LNPEP: variants seen among roughly 807,000 people sequenced by gnomAD.
The protein encoded by LNPEP is leucyl-cystinyl aminopeptidase.
In LNPEP, 64 loss-of-function variants were observed where a neutral mutation model predicts 120.6. The observed-to-expected ratio is 0.53, with a 90% confidence interval of 0.43 to 0.65. The LOEUF is 0.65. LNPEP is among the 30% of genes least tolerant of loss of function. The probability of loss-of-function intolerance (pLI) is 0.00; values close to 1 mark genes in which losing one functional copy is unlikely to be tolerated. For synonymous variants in LNPEP, 435 were observed against 425.4 expected, an observed-to-expected ratio of 1.02 and a Z score of -0.28; for missense variants, 1,057 against 1,200.0, an observed-to-expected ratio of 0.88 and a Z score of 1.76.
At chr5:96,989,327 TA>T (rs201055010) in intron 4 of LNPEP, among the ~76,000 whole-genome samples, 8 of 21,110 alleles carry the variant, frequency 3.8e-4, no homozygotes, top group Non-Finnish European at 5.1e-4. Context: ...ATATAATATA[TA>T]ATTATATATA....
intron 1 of LNPEP, among the ~76,000 whole-genome samples, chr5:96,946,585 C>G (rs1181083994): frequency 6.6e-6 from 1 of 152,170 alleles, no homozygotes; most frequent in Non-Finnish European, 1.5e-5. Context: ...GGCACATCAT[C>G]GAATGACAAT....
chr5:96,969,892 T>C (rs561855949), intron 1 of LNPEP, among the ~76,000 whole-genome samples: 1 of 151,814 alleles, frequency 6.6e-6, no homozygotes, highest in African/African-American at 2.4e-5. Flanking sequence ...ATGTTTTTAT[T>C]ATTATTTATT....
chr5:96,955,431 A>T (rs989025899), intron 1 of LNPEP, among the ~76,000 whole-genome samples: 1 of 152,112 alleles, frequency 6.6e-6, no homozygotes. Flanking sequence ...CCTGGCCAAC[A>T]AGGCGATAGC....
chr5:96,985,777 T>C (rs1790228740), intron 3 of LNPEP, among the ~76,000 whole-genome samples: 1 of 151,410 alleles, frequency 6.6e-6, no homozygotes, highest in African/African-American at 2.4e-5. Flanking sequence ...TTTTTGGTCT[T>C]AGACACCTGA....
chr5:96,965,558 A>C (rs1218600750), intron 1 of LNPEP, among the ~76,000 whole-genome samples: 2 of 152,198 alleles, frequency 1.3e-5, no homozygotes, highest in African/African-American at 4.8e-5. Flanking sequence ...ACAATATTTA[A>C]TTATTATAAA....
At chr5:96,975,358 T>A (rs905743505) in intron 1 of LNPEP, among the ~76,000 whole-genome samples, 3 of 152,206 alleles carry the variant, frequency 2.0e-5, no homozygotes, top group Non-Finnish European at 4.4e-5. Context: ...TTTTCAGTTA[T>A]ACAAGTTGGA....
intron 4 of LNPEP, 78 bp downstream of exon 4, chr5:96,986,748 A>C: frequency 7.7e-7 from 1 of 1,292,640 alleles, no homozygotes; most frequent in Non-Finnish European, 1.1e-6. Context: ...GATTCCTGGT[A>C]TTTGCTGTGT....
chr5:97,019,395 A>G (rs1364839311), intron 13 of LNPEP, among the ~76,000 whole-genome samples: 2 of 152,210 alleles, frequency 1.3e-5, no homozygotes, highest in Non-Finnish European at 2.9e-5. Flanking sequence ...AATTAATATT[A>G]AAAATAAACC....
chr5:97,004,398 G>T (rs1790729937), intron 9 of LNPEP, among the ~76,000 whole-genome samples: 1 of 152,006 alleles, frequency 6.6e-6, no homozygotes, highest in Non-Finnish European at 1.5e-5. Flanking sequence ...TGTAGTCTCA[G>T]CTACTTGGGA....
rs755377328 is a variant in LNPEP at position 97,030,861 on chromosome 5, A to G, written c.*2328A>G. The G allele has an allele frequency of 6.6e-6, 1 of 152,022 alleles. No homozygotes were observed. Among genetic ancestry groups the G allele is most frequent in the Non-Finnish European group, 1.5e-5 (1 of 67,998 alleles). 9.4% of individuals were successfully genotyped at this position (152,022 alleles called of 1,614,324 possible). A position where few individuals can be genotyped will look rare whatever the true frequency, so the allele number is the denominator to read the frequency against. ...TTGTAGTTTTAGTAGGCCTTGCCTC[A>G]GTTTTTCCCACAGAATTCCATAATT... is the stretch of plus-strand genomic sequence containing the variant. On this transcript the variant is annotated 3_prime_UTR_variant, in exon 18 of 18. Coordinates refer to ENST00000231368, the MANE Select transcript of LNPEP (RefSeq NM_005575.3).
intron 13 of LNPEP, among the ~76,000 whole-genome samples, chr5:97,015,693 T>A (rs1384408329): frequency 1.3e-5 from 2 of 151,956 alleles, no homozygotes; most frequent in Admixed American, 6.6e-5. Flanking sequence ...GAGTGAAAAA[T>A]TATTTGTTTT....
intron 3 of LNPEP, among the ~76,000 whole-genome samples, chr5:96,986,154 C>T (rs1396016161): frequency 6.6e-6 from 1 of 152,112 alleles, no homozygotes; most frequent in Non-Finnish European, 1.5e-5. Flanking sequence ...GAAGGGATGT[C>T]GCAGCTAGAG....
At chr5:97,023,580 A>G (rs936862633) in intron 14 of LNPEP, among the ~76,000 whole-genome samples, 1 of 152,134 alleles carries the variant, frequency 6.6e-6, no homozygotes, top group Non-Finnish European at 1.5e-5. Flanking sequence ...TAAAGGCTGA[A>G]TAATTTTCCA....
At position 97,031,048 on chromosome 5, in the gene LNPEP, G is replaced by A. The variant is rs888368645; in HGVS notation, c.*2515G>A. The stretch of plus-strand genomic sequence containing the variant: ...TAGCCAGTGTATTTCTGAGAACTCA[G>A]ACTGAAGCACAGAAGTCACAGTATG... On this transcript the variant is annotated 3_prime_UTR_variant, in exon 18 of 18. Transcript: ENST00000231368. 7.2e-5 allele frequency: 11 copies of A among 151,904 alleles called. No individual in the cohort carries two copies. Among genetic ancestry groups the A allele is most frequent in the Non-Finnish European group, 1.5e-4 (10 of 67,970 alleles). 9.4% of individuals were successfully genotyped at this position (151,904 alleles called of 1,614,324 possible). A position where few individuals can be genotyped will look rare whatever the true frequency, so the allele number is the denominator to read the frequency against.
At chr5:96,975,258 A>G (rs925387613) in intron 1 of LNPEP, among the ~76,000 whole-genome samples, 1 of 152,166 alleles carries the variant, frequency 6.6e-6, no homozygotes, top group African/African-American at 2.4e-5. Context: ...ACTGAATGCC[A>G]TCTCATAATC....
intron 1 of LNPEP, among the ~76,000 whole-genome samples, chr5:96,938,252 G>A (rs1788968764): frequency 6.6e-6 from 1 of 152,168 alleles, no homozygotes; most frequent in Admixed American, 6.5e-5. Flanking sequence ...CCATTGGTCT[G>A]GGTGTGATGA....
At chr5:97,012,103 T>C (rs1486065979) in intron 11 of LNPEP, among the ~76,000 whole-genome samples, 2 of 152,186 alleles carry the variant, frequency 1.3e-5, no homozygotes, top group Non-Finnish European at 2.9e-5. Flanking sequence ...ATAGTGAACA[T>C]TTTAAAACAG....
rs543155083 is a variant in LNPEP, at chr5:96,993,880, G to C, written c.1316G>C (p.Arg439Pro). ...AMENWGLLTF[R>P]EETLLYDSNT... Reference sequence around the variant, plus strand: ...GAAAATTGGGGTTTGCTCACCTTCCGAGAGGAGACACTTCTGTATGACAGT... The same window carrying C: ...GAAAATTGGGGTTTGCTCACCTTCCCAGAGGAGACACTTCTGTATGACAGT... The change falls in exon 6 of 18, where the codon CGA (arginine) becomes CCA (proline). Residue 439 changes from arginine to proline, a missense_variant. Physicochemically the swap from Arg to Pro is moderately radical, Grantham distance 103 (BLOSUM62 -2). Coordinates refer to ENST00000231368, the MANE Select transcript of LNPEP (RefSeq NM_005575.3). 1.2e-6 allele frequency: 2 copies of C among 1,613,836 alleles called. No individual in the cohort carries two copies. The highest frequency in any genetic ancestry group is 1.7e-6 in the Non-Finnish European group (2 of 1,179,820).
In LNPEP at chr5:97,021,501, G is replaced by A. The variant is rs576000501; in HGVS notation, c.2377-799G>A. ...TAATGTTAAATATACCTTTAATATT[G>A]GATTGAGAAACATTTAAACATTAAC... is the stretch of plus-strand genomic sequence containing the variant. On this transcript the variant is annotated intron_variant, in intron 13 of 17. Transcript: ENST00000231368. Among the ~76,000 whole-genome samples, 20 of 152,156 alleles carry A rather than the reference G, an allele frequency of 1.3e-4. No individual in the cohort carries two copies. The Middle Eastern group carries it at 0.01, about 78-fold the overall frequency.
Sources: gnomAD v4.1 joint callset for allele counts (sites outside exome capture counted in the v4.1 genomes callset) on GRCh38, gnomAD v4.1.1 for gene constraint, MANE v1.5 for transcripts, NCBI Gene and HGNC (gene_info 2026-07-23, HGNC 2026-07-21) for gene names.